MBD2: variants seen among roughly 807,000 people sequenced by gnomAD.
MBD2 encodes methyl-CpG-binding domain protein 2.
A neutral mutation model predicts 39.3 loss-of-function variants in MBD2; 9 were observed. The ratio of observed to expected loss-of-function variants is 0.23; its 90% CI spans 0.14 to 0.40. The LOEUF is 0.40. Among genes scored for constraint, MBD2 ranks in the 10% least tolerant of loss-of-function variants. MBD2 has a pLI of 1.00. For missense variants in MBD2, 458 were observed against 532.6 expected, an observed-to-expected ratio of 0.86 and a Z score of 1.38; for synonymous variants, 233 against 211.1, an observed-to-expected ratio of 1.10 and a Z score of -0.90.
intron 2 of MBD2, 54 bp from the exon 3 acceptor site, chr18:54,189,065 T>C: frequency 8.2e-7 from 1 of 1,214,224 alleles, no homozygotes; most frequent in Non-Finnish European, 1.2e-6. Context: ...CACAATCAGA[T>C]GACTTCCTAC....
intron 2 of MBD2, among the ~76,000 whole-genome samples, chr18:54,197,700 A>T (rs1033430402): frequency 1.3e-5 from 2 of 152,174 alleles, no homozygotes; most frequent in African/African-American, 4.8e-5. Flanking sequence ...AGAGATTTAG[A>T]ATCTGTCCAC....
At chr18:54,187,969 G>A (rs1438902669) in intron 3 of MBD2, 3 of 419,162 alleles carry the variant, frequency 7.2e-6, no homozygotes, top group Admixed American at 6.4e-5. Context: ...AAGGACTAGT[G>A]AAAAACAAAA....
chr18:54,190,424 C>T (rs1384488462), intron 2 of MBD2, among the ~76,000 whole-genome samples: 1 of 152,262 alleles, frequency 6.6e-6, no homozygotes, highest in East Asian at 1.9e-4. Context: ...AGCGTGAGTG[C>T]GACCTGTGAT....
At position 54,205,239 on chromosome 18, in the gene MBD2, A is replaced by G. The variant is rs2086439391; in HGVS notation, c.543-82T>C. On this transcript the variant is annotated intron_variant, in intron 1 of 6. Coordinates refer to ENST00000256429, the MANE Select transcript of MBD2 (RefSeq NM_003927.5). Reference sequence around the variant, plus strand: ...TTTCTTCATGTCTTCCCCTACCCTCAATTGATACCCCATTCTAATTTTACA... The same window carrying G: ...TTTCTTCATGTCTTCCCCTACCCTCGATTGATACCCCATTCTAATTTTACA... 4 of 1,166,508 alleles carry G rather than the reference A, an allele frequency of 3.4e-6. No individual in the cohort carries two copies. The East Asian group carries it at 9.6e-5, about 28-fold the overall frequency. 72.3% of individuals were successfully genotyped at this position (1,166,508 alleles called of 1,614,324 possible).
rs545233589 is a variant in MBD2 at position 54,177,182 on chromosome 18, T to C, written c.841-11016A>G. ...ACGCAAGTTCATATAGGAACTTAGA[T>C]GTGCTCCTTCACTACTTTTCACATA... On this transcript the variant is annotated intron_variant, in intron 3 of 6. Transcript: ENST00000256429. Among the ~76,000 whole-genome samples, 19 of 152,366 alleles carry C rather than the reference T, an allele frequency of 1.2e-4. No individual in the cohort carries two copies. The South Asian group carries it at 3.3e-3, about 27-fold the overall frequency.
chr18:54,160,959 T>C (rs2086092816), intron 5 of MBD2, among the ~76,000 whole-genome samples: 1 of 144,120 alleles, frequency 6.9e-6, no homozygotes, highest in South Asian at 2.1e-4. Context: ...ACAAGGAATA[T>C]ACAAAGGGTT....
At chr18:54,211,977 TCC>T (rs971579914) in intron 1 of MBD2, among the ~76,000 whole-genome samples, 4 of 151,956 alleles carry the variant, frequency 2.6e-5, no homozygotes, top group African/African-American at 9.7e-5. Context: ...TGCCTCAGCC[TCC>T]CAAGTAGCTG....
chr18:54,182,145 C>A (rs1277749798), intron 3 of MBD2, among the ~76,000 whole-genome samples: 4 of 152,054 alleles, frequency 2.6e-5, no homozygotes, highest in Admixed American at 2.6e-4. Context: ...AAGGTGAAGG[C>A]TCAATAAATA....
chr18:54,164,458 G>T, intron 5 of MBD2, 65 bp downstream of exon 5: 1 of 1,449,960 alleles, frequency 6.9e-7, no homozygotes, highest in South Asian at 1.2e-5. Flanking sequence ...TGAACCTAAT[G>T]AACAGTAAAA....
At chr18:54,191,236 G>T (rs1359842121) in intron 2 of MBD2, among the ~76,000 whole-genome samples, 1 of 152,154 alleles carries the variant, frequency 6.6e-6, no homozygotes, top group African/African-American at 2.4e-5. Context: ...CATTCAGCAG[G>T]TCTGAGATAG....
At position 54,214,870 on chromosome 18, in the gene MBD2, G is replaced by C. The variant is rs907039975; in HGVS notation, c.542+9148C>G. On this transcript the variant is annotated intron_variant, in intron 1 of 6. Coordinates refer to ENST00000256429, the MANE Select transcript of MBD2 (RefSeq NM_003927.5). Reference sequence around the variant, plus strand: ...TTCTCCTGCCTCAGCCTCCCTAGTAGCTGGGACGACAGGCGCCCGCCAACA... The same window carrying C: ...TTCTCCTGCCTCAGCCTCCCTAGTACCTGGGACGACAGGCGCCCGCCAACA... Among the ~76,000 whole-genome samples, 3 of 151,944 alleles carry C rather than the reference G, an allele frequency of 2.0e-5. No homozygotes were observed. In the East Asian group the frequency reaches 5.8e-4, roughly 29 times the overall value.
intron 2 of MBD2, chr18:54,202,704 T>G: frequency 8.4e-7 from 1 of 1,187,572 alleles, no homozygotes; most frequent in Non-Finnish European, 1.1e-6. Context: ...ATTTATTTAT[T>G]TAATAAACAT....
At chr18:54,186,762 CT>C (rs2086289277) in intron 3 of MBD2, among the ~76,000 whole-genome samples, 1 of 152,098 alleles carries the variant, frequency 6.6e-6, no homozygotes, top group Admixed American at 6.5e-5. Context: ...ACAGCCAAAG[CT>C]TTTGGAGAAG....
chr18:54,210,624 A>G (rs977504829), intron 1 of MBD2, among the ~76,000 whole-genome samples: 8 of 152,142 alleles, frequency 5.3e-5, no homozygotes, highest in South Asian at 2.1e-4. Flanking sequence ...TTTCAAATCA[A>G]TTTCTAACAT....
At chr18:54,167,949 G>GAA (rs746110821) in intron 3 of MBD2, among the ~76,000 whole-genome samples, 1 of 58,186 alleles carries the variant, frequency 1.7e-5, no homozygotes, top group East Asian at 5.0e-4. Context: ...CACAGCTATA[G>GAA]AAAAAAAAAA....
intron 1 of MBD2, among the ~76,000 whole-genome samples, chr18:54,210,260 A>T (rs1353569538): frequency 6.6e-6 from 1 of 152,234 alleles, no homozygotes; most frequent in Non-Finnish European, 1.5e-5. Context: ...TTTCCAGTTC[A>T]CATAGGAACA....
At chr18:54,209,103 T>C (rs2144337473) in intron 1 of MBD2, among the ~76,000 whole-genome samples, 1 of 152,244 alleles carries the variant, frequency 6.6e-6, no homozygotes, top group Middle Eastern at 3.4e-3. Context: ...GAGACCAGCC[T>C]GGGCAACACG....
intron 3 of MBD2, among the ~76,000 whole-genome samples, chr18:54,169,566 G>A (rs1195974285): frequency 6.6e-6 from 1 of 152,166 alleles, no homozygotes; most frequent in African/African-American, 2.4e-5. Flanking sequence ...TCCAAAGACA[G>A]TAATATTCAA....
intron 3 of MBD2, among the ~76,000 whole-genome samples, chr18:54,166,682 T>C (rs1447886650): frequency 6.6e-6 from 1 of 152,198 alleles, no homozygotes; most frequent in Non-Finnish European, 1.5e-5. Context: ...TTTTCTAAAA[T>C]GTTTTAGATG....
Sources: allele counts gnomAD v4.1 joint callset (sites outside exome capture counted in the v4.1 genomes callset), GRCh38; gene constraint gnomAD v4.1.1; transcripts MANE v1.5; gene names NCBI Gene and HGNC (gene_info 2026-07-23, HGNC 2026-07-21).